ZNF704: variants seen among roughly 807,000 people sequenced by gnomAD.
ZNF704 encodes the protein glucocorticoid induced gene 1.
In ZNF704, 10 loss-of-function variants were observed where a neutral mutation model predicts 44.7. The ratio of observed to expected loss-of-function variants is 0.22; its 90% confidence interval spans 0.14 to 0.38. The LOEUF (loss-of-function observed/expected upper bound fraction) is 0.38. Ranked by LOEUF, ZNF704 falls within the 10% of genes least tolerant of loss-of-function variation. ZNF704 has a pLI of 1.00. For synonymous variants in ZNF704, 211 were observed against 207.6 expected, an observed-to-expected ratio of 1.02 and a Z score of -0.14; for missense variants, 390 against 545.5, an observed-to-expected ratio of 0.71 and a Z score of 2.84.
At chr8:80,734,243 G>A (rs773184490) in intron 2 of ZNF704, among the ~76,000 whole-genome samples, 5 of 152,216 alleles carry the variant, frequency 3.3e-5, no homozygotes, top group Non-Finnish European at 5.9e-5. Context: ...CTCCAGTTCT[G>A]TGGAAAACCA....
intron 2 of ZNF704, among the ~76,000 whole-genome samples, chr8:80,759,528 A>G (rs1249573063): frequency 6.6e-6 from 1 of 152,168 alleles, no homozygotes; most frequent in Non-Finnish European, 1.5e-5. Flanking sequence ...TAATTAGGCT[A>G]TACAGACTGG....
intron 2 of ZNF704, among the ~76,000 whole-genome samples, chr8:80,764,646 G>T (rs1487786199): frequency 9.2e-5 from 14 of 152,154 alleles, no homozygotes; most frequent in Admixed American, 9.2e-4. Flanking sequence ...GAGAGTGGTT[G>T]TGGTCTGCAA....
chr8:80,785,600 T>C (rs1807601516), intron 2 of ZNF704, among the ~76,000 whole-genome samples: 1 of 152,212 alleles, frequency 6.6e-6, no homozygotes, highest in African/African-American at 2.4e-5. Flanking sequence ...CCAATACTAC[T>C]TTACTTTGTT....
Position 80,642,821 on chromosome 8 carries a change from A to G in ZNF704, c.1127+214T>C, listed in dbSNP as rs180838649. Among the ~76,000 whole-genome samples, 104 of 152,366 alleles carry G rather than the reference A, an allele frequency of 6.8e-4. 3 individuals are homozygous for G. The highest frequency in any genetic ancestry group is 6.6e-3 in the Admixed American group (101 of 15,308). ...TCTGTAAAACAAAAACAAAAACAAAAAACAAAAACCTTATTGTAAATCATT... is the reference window on the plus strand; with the variant it reads ...TCTGTAAAACAAAAACAAAAACAAAGAACAAAAACCTTATTGTAAATCATT... On this transcript the variant is annotated intron_variant, in intron 8 of 8. Coordinates refer to ENST00000327835, the MANE Select transcript of ZNF704 (RefSeq NM_001033723.3).
chr8:80,748,030 T>C (rs995688968), intron 2 of ZNF704, among the ~76,000 whole-genome samples: 5 of 152,194 alleles, frequency 3.3e-5, no homozygotes, highest in Non-Finnish European at 7.3e-5. Flanking sequence ...AAGCACTTCA[T>C]TTTCCTCTTG....
At chr8:80,805,448 C>T (rs1046261496) in intron 2 of ZNF704, among the ~76,000 whole-genome samples, 6 of 152,164 alleles carry the variant, frequency 3.9e-5, no homozygotes, top group African/African-American at 9.7e-5. Flanking sequence ...GGGGACCCAG[C>T]CTTGAGCTAA....
rs775062689 is a variant in ZNF704 at position 80,639,465 on chromosome 8, C to T, written c.*1901G>A. On this transcript the variant is annotated 3_prime_UTR_variant, in exon 9 of 9. Transcript: ENST00000327835. ...GCTGACCTTGTCAGTCTAAAACATA[C>T]AGTATTGCTGGTGCTGTGACTAGTA... 2 of 152,184 alleles carry T rather than the reference C, an allele frequency of 1.3e-5. No individual in the cohort carries two copies. Among genetic ancestry groups the T allele is most frequent in the Non-Finnish European group, 2.9e-5 (2 of 68,036 alleles). 9.4% of individuals were successfully genotyped at this position (152,184 alleles called of 1,614,324 possible). A position where few individuals can be genotyped will look rare whatever the true frequency, so the allele number is the denominator to read the frequency against.
chr8:80,763,961 C>T (rs897562258), intron 2 of ZNF704, among the ~76,000 whole-genome samples: 3 of 152,176 alleles, frequency 2.0e-5, no homozygotes, highest in Admixed American at 6.5e-5. Context: ...GTAAGTTCCT[C>T]ATCTCCATCT....
At chr8:80,849,530 A>G (rs1432819471) in intron 1 of ZNF704, among the ~76,000 whole-genome samples, 2 of 152,226 alleles carry the variant, frequency 1.3e-5, no homozygotes, top group Admixed American at 6.5e-5. Context: ...ATTTATTACC[A>G]CTGCAATCCA....
intron 4 of ZNF704, among the ~76,000 whole-genome samples, chr8:80,678,359 G>C (rs1818402641): frequency 6.6e-6 from 1 of 150,514 alleles, no homozygotes; most frequent in Admixed American, 6.6e-5. Flanking sequence ...TCTTCCTTTT[G>C]ACATTCCTTT....
At chr8:80,846,814 T>C (rs1397672697) in intron 1 of ZNF704, among the ~76,000 whole-genome samples, 2 of 152,130 alleles carry the variant, frequency 1.3e-5, no homozygotes, top group African/African-American at 4.8e-5. Context: ...GGATACAAGA[T>C]CAACATACAA....
chr8:80,881,125 T>A, the ZNF704 span, among the ~76,000 whole-genome samples: 1 of 152,252 alleles, frequency 6.6e-6, no homozygotes, highest in Non-Finnish European at 1.5e-5. Context: ...GTGTGTGCAA[T>A]GCAGTTGCCA....
At chr8:80,820,658 G>C (rs1808254812) in intron 2 of ZNF704, among the ~76,000 whole-genome samples, 1 of 152,060 alleles carries the variant, frequency 6.6e-6, no homozygotes, top group African/African-American at 2.4e-5. Flanking sequence ...TCAGGACTTT[G>C]GGAGGCTGAA....
At chr8:80,830,303 A>G (rs911759211) in intron 1 of ZNF704, among the ~76,000 whole-genome samples, 3 of 152,226 alleles carry the variant, frequency 2.0e-5, no homozygotes, top group Non-Finnish European at 4.4e-5. Flanking sequence ...CAGCAGTAGA[A>G]GGTGACAAGG....
chr8:80,774,607 C>T (rs1478408790), intron 2 of ZNF704, among the ~76,000 whole-genome samples: 4 of 152,158 alleles, frequency 2.6e-5, no homozygotes, highest in Non-Finnish European at 5.9e-5. Context: ...GGATAAAAAT[C>T]TAAGCTCCTT....
intron 1 of ZNF704, among the ~76,000 whole-genome samples, chr8:80,854,613 G>A (rs934206028): frequency 6.6e-6 from 1 of 152,124 alleles, no homozygotes; most frequent in African/African-American, 2.4e-5. Context: ...GTTTCTACCT[G>A]AACCTAGCCA....
chr8:80,740,171 C>A (rs1175693366), intron 2 of ZNF704, among the ~76,000 whole-genome samples: 1 of 152,130 alleles, frequency 6.6e-6, no homozygotes, highest in Non-Finnish European at 1.5e-5. Flanking sequence ...GAACTTTATT[C>A]TTTTCATATA....
At chr8:80,825,898 A>C (rs1360478447) in intron 1 of ZNF704, among the ~76,000 whole-genome samples, 2 of 152,238 alleles carry the variant, frequency 1.3e-5, no homozygotes, top group African/African-American at 2.4e-5. Flanking sequence ...GACACCACAT[A>C]CAAGAACCTC....
intron 2 of ZNF704, among the ~76,000 whole-genome samples, chr8:80,792,681 C>T (rs917430605): frequency 6.6e-6 from 1 of 152,198 alleles, no homozygotes; most frequent in African/African-American, 2.4e-5. Context: ...GCTGGCTTTG[C>T]TGAAGCAAGC....
Sources: gnomAD v4.1 joint callset for allele counts (sites outside exome capture counted in the v4.1 genomes callset) on GRCh38, gnomAD v4.1.1 for gene constraint, MANE v1.5 for transcripts, NCBI Gene and HGNC (gene_info 2026-07-23, HGNC 2026-07-21) for gene names.